SORCS3: variants seen among roughly 807,000 people sequenced by gnomAD.
SORCS3 encodes the protein sortilin related VPS10 domain containing receptor 3.
A neutral mutation model predicts 146.3 loss-of-function variants in SORCS3; 57 were observed. That is an observed-to-expected ratio of 0.39 (90% CI 0.31 to 0.49). SORCS3 has a LOEUF of 0.49. Ranked by LOEUF, SORCS3 falls within the 20% of genes least tolerant of loss-of-function variation. The pLI is 0.92. For synonymous variants in SORCS3, 653 were observed against 618.5 expected (o/e 1.06, Z -0.83); for missense variants, 1,341 against 1,575.5 (o/e 0.85, Z 2.52).
chr10:105,255,427 CT>C (rs2056925516), intron 23 of SORCS3, among the ~76,000 whole-genome samples: 1 of 152,042 alleles, frequency 6.6e-6, no homozygotes, highest in Non-Finnish European at 1.5e-5. Context: ...ACATGTGTAA[CT>C]AACCTGTACG....
intron 2 of SORCS3, among the ~76,000 whole-genome samples, chr10:104,843,337 T>C (rs1305816170): frequency 6.6e-6 from 1 of 152,166 alleles, no homozygotes; most frequent in African/African-American, 2.4e-5. Context: ...GTCTGCATGA[T>C]GATGTTCTGA....
At chr10:105,089,587 A>T (rs1241559173) in intron 5 of SORCS3, among the ~76,000 whole-genome samples, 188 bp from the exon 6 acceptor site, 1 of 152,198 alleles carries the variant, frequency 6.6e-6, no homozygotes, top group Non-Finnish European at 1.5e-5. Context: ...ACCCTTACAG[A>T]TGACAGTTCC....
At chr10:105,115,900 C>T (rs1036640617) in intron 7 of SORCS3, among the ~76,000 whole-genome samples, 2 of 152,172 alleles carry the variant, frequency 1.3e-5, no homozygotes, top group African/African-American at 4.8e-5. Context: ...ATTAGGGACA[C>T]ATTTACAACA....
In SORCS3 at chr10:104,675,164, G is replaced by A. The variant is rs530487240; in HGVS notation, c.627+33210G>A. ...TTTTTCATTTTAGTCATTCTGTTGG[G>A]TATGGTGATAAATCCCATTGTGGTT... On this transcript the variant is annotated intron_variant, in intron 1 of 26. Coordinates refer to ENST00000369701, the MANE Select transcript of SORCS3 (RefSeq NM_014978.3). Among the ~76,000 whole-genome samples, 3 of 152,226 alleles carry A rather than the reference G, an allele frequency of 2.0e-5. No individual in the cohort carries two copies. The South Asian group carries it at 6.2e-4, about 32-fold the overall frequency.
At chr10:104,642,116 A>G (rs1017467417) in intron 1 of SORCS3, among the ~76,000 whole-genome samples, 162 bp downstream of exon 1, 9 of 151,948 alleles carry the variant, frequency 5.9e-5, no homozygotes, top group Non-Finnish European at 1.3e-4. Flanking sequence ...CGCCCCCAAC[A>G]GGTTAACGGA....
chr10:104,933,306 A>AT (rs57235182), intron 3 of SORCS3, among the ~76,000 whole-genome samples: 40,106 of 146,204 alleles, frequency 0.27, 6,535 homozygotes, highest in African/African-American at 0.48. Context: ...TCCTCTGGCT[A>AT]TTTTTTTTTT....
chr10:104,762,499 C>G (rs1404413566), intron 1 of SORCS3, among the ~76,000 whole-genome samples: 1 of 152,160 alleles, frequency 6.6e-6, no homozygotes, highest in Non-Finnish European at 1.5e-5. Flanking sequence ...TCAACCAAAA[C>G]CTAAGCCTCA....
chr10:104,977,300 C>G lies in SORCS3; in HGVS notation c.796-35C>G, dbSNP rs755921505. The G allele has an allele frequency of 1.7e-5, 26 of 1,521,668 alleles. No homozygotes were observed. Among genetic ancestry groups the G allele is most frequent in the Non-Finnish European group, 2.3e-5 (26 of 1,124,378 alleles). The allele number at this position is 1,521,668 out of a possible 1,614,324, so 94.3% of individuals were successfully genotyped here. Reference sequence around the variant, plus strand: ...TATTATATTTATTATTTCCTACTAACTCTGTCTGTATATGTCCCTCTATCC... The same window carrying G: ...TATTATATTTATTATTTCCTACTAAGTCTGTCTGTATATGTCCCTCTATCC... On this transcript the variant is annotated intron_variant, in intron 3 of 26. Transcript: ENST00000369701.
At chr10:105,120,908 G>A (rs2055927813) in intron 7 of SORCS3, among the ~76,000 whole-genome samples, 2 of 152,112 alleles carry the variant, frequency 1.3e-5, no homozygotes, top group South Asian at 2.1e-4. Context: ...GTCTCCATGG[G>A]CATGAGAAGT....
chr10:105,068,803 A>C (rs188962767), intron 5 of SORCS3, among the ~76,000 whole-genome samples: 3 of 152,212 alleles, frequency 2.0e-5, no homozygotes, highest in African/African-American at 7.2e-5. Context: ...TTGCATTCCT[A>C]AATGAATAGA....
At chr10:104,971,032 C>T (rs1040274829) in intron 3 of SORCS3, among the ~76,000 whole-genome samples, 2 of 152,140 alleles carry the variant, frequency 1.3e-5, no homozygotes, top group African/African-American at 2.4e-5. Context: ...TTTAGGAACT[C>T]AGAGAAGTTG....
intron 2 of SORCS3, among the ~76,000 whole-genome samples, chr10:104,909,207 A>G (rs1029929087): frequency 1.3e-5 from 2 of 152,158 alleles, no homozygotes; most frequent in African/African-American, 4.8e-5. Flanking sequence ...GCGGAGGTCC[A>G]CAAAACCCAA....
intron 9 of SORCS3, 151 bp from the exon 10 acceptor site, chr10:105,156,987 C>A: frequency 1.2e-6 from 1 of 821,170 alleles, no homozygotes; most frequent in Non-Finnish European, 1.9e-6. Flanking sequence ...TCAGAGACCA[C>A]ATGGCATTCA....
chr10:105,037,748 T>C (rs1230147698), intron 4 of SORCS3, among the ~76,000 whole-genome samples: 1 of 152,208 alleles, frequency 6.6e-6, no homozygotes. Context: ...GGTCACATTC[T>C]GAGATGCTAG....
intron 2 of SORCS3, among the ~76,000 whole-genome samples, chr10:104,910,000 T>TACC (rs2018950588): frequency 6.6e-6 from 1 of 152,124 alleles, no homozygotes; most frequent in South Asian, 2.1e-4. Context: ...TCCCACAATG[T>TACC]ACCAGTCCGC....
At chr10:104,861,579 C>G (rs943667741) in intron 2 of SORCS3, among the ~76,000 whole-genome samples, 1 of 152,198 alleles carries the variant, frequency 6.6e-6, no homozygotes, top group African/African-American at 2.4e-5. Flanking sequence ...TTTCCCCACA[C>G]CCTCAACACA....
chr10:105,138,299 A>G (rs2056072337), intron 7 of SORCS3, among the ~76,000 whole-genome samples: 1 of 151,870 alleles, frequency 6.6e-6, no homozygotes, highest in Admixed American at 6.6e-5. Context: ...AGCAAGGGGT[A>G]GCCGTGGGAG....
intron 1 of SORCS3, among the ~76,000 whole-genome samples, chr10:104,733,206 C>T (rs1178242292): frequency 6.6e-6 from 1 of 152,134 alleles, no homozygotes; most frequent in Non-Finnish European, 1.5e-5. Context: ...AAGGCATGTA[C>T]TACTCTCCCT....
chr10:105,259,360 C>T (rs1236819222), intron 25 of SORCS3, among the ~76,000 whole-genome samples: 3 of 152,210 alleles, frequency 2.0e-5, no homozygotes, highest in Non-Finnish European at 4.4e-5. Flanking sequence ...AAAGCTTCCT[C>T]TCTGTAATTG....
Sources: allele counts gnomAD v4.1 joint callset (sites outside exome capture counted in the v4.1 genomes callset), GRCh38; gene constraint gnomAD v4.1.1; transcripts MANE v1.5; gene names NCBI Gene and HGNC (gene_info 2026-07-23, HGNC 2026-07-21).